SEM1: variants seen among roughly 807,000 people sequenced by gnomAD.
The protein encoded by SEM1 is 26S proteasome complex subunit SEM1.
Under a neutral mutation model 12.7 loss-of-function variants are expected in SEM1, and 3 were observed. That is an observed-to-expected ratio of 0.24 (90% CI 0.11 to 0.61). The LOEUF is 0.61. Ranked by LOEUF, SEM1 falls within the 20% of genes least tolerant of loss-of-function variation. SEM1 has a pLI of 0.88. For synonymous variants in SEM1, 30 were observed against 27.8 expected (o/e 1.08, Z -0.25); for missense variants, 59 against 81.3 (o/e 0.73, Z 1.06).
At chr7:96,576,555 A>G (rs568915777) in intron 2 of SEM1, among the ~76,000 whole-genome samples, 1 of 152,258 alleles carries the variant, frequency 6.6e-6, no homozygotes, top group South Asian at 2.1e-4. Flanking sequence ...TACAATGCTT[A>G]CCTTTATAAT....
chr7:96,668,436 G>A (rs1789225780), intron 2 of SEM1, among the ~76,000 whole-genome samples: 1 of 152,034 alleles, frequency 6.6e-6, no homozygotes, highest in African/African-American at 2.4e-5. Context: ...AAAAATTATA[G>A]TACTGGGAAT....
intron 2 of SEM1, among the ~76,000 whole-genome samples, chr7:96,623,626 T>C (rs1376051881): frequency 6.7e-6 from 1 of 150,050 alleles, no homozygotes; most frequent in African/African-American, 2.4e-5. Flanking sequence ...ATGGAATTCA[T>C]GTTAATTTTG....
chr7:96,503,810 G>A (rs1277201687), intron 3 of SEM1, among the ~76,000 whole-genome samples: 2 of 152,086 alleles, frequency 1.3e-5, no homozygotes, highest in Non-Finnish European at 2.9e-5. Flanking sequence ...ATTAGTTGTT[G>A]GTAAAGTGCA....
rs146952879 is a variant in SEM1 at position 96,698,371 on chromosome 7, T to G, written c.77-3480A>C. Among the ~76,000 whole-genome samples the G allele has an allele frequency of 5.6e-3, 845 of 152,102 alleles. 8 individuals are homozygous for G. Among genetic ancestry groups the G allele is most frequent in the African/African-American group, 0.019 (803 of 41,518 alleles). ...ATCAACCCATCACCTAGGTTTTAAG[T>G]CCCACACGAATTAAGTATTTCTCCT... On this transcript the variant is annotated intron_variant, in intron 1 of 2. Transcript: ENST00000248566.
chr7:96,618,673 A>T (rs1383723764), downstream of SEM1, among the ~76,000 whole-genome samples: 1 of 151,914 alleles, frequency 6.6e-6, no homozygotes, highest in Non-Finnish European at 1.5e-5. Flanking sequence ...CCAGTCTGTT[A>T]TTGAAGCTTT....
At chr7:96,619,801 T>C (rs1182691366), downstream of SEM1, among the ~76,000 whole-genome samples, 1 of 151,992 alleles carries the variant, frequency 6.6e-6, no homozygotes, top group African/African-American at 2.4e-5. Context: ...TTGTCCTAAG[T>C]GTGCTCAGGA....
At chr7:96,686,488 ACT>A (rs1331184224), downstream of SEM1, among the ~76,000 whole-genome samples, 1 of 152,212 alleles carries the variant, frequency 6.6e-6, no homozygotes, top group Non-Finnish European at 1.5e-5. Context: ...GTAATCTGAC[ACT>A]GTTAGGGTGA....
At chr7:96,642,346 T>C (rs1231863660) in intron 2 of SEM1, among the ~76,000 whole-genome samples, 1 of 152,108 alleles carries the variant, frequency 6.6e-6, no homozygotes, top group African/African-American at 2.4e-5. Flanking sequence ...ATTATGTAGA[T>C]TTTAGTTTAG....
At chr7:96,670,868 A>G (rs1789296635), downstream of SEM1, among the ~76,000 whole-genome samples, 1 of 152,206 alleles carries the variant, frequency 6.6e-6, no homozygotes, top group Admixed American at 6.5e-5. Context: ...GCTTTGTGTT[A>G]CTTTCTAATA....
At chr7:96,515,592 C>G (rs1804065443) in intron 2 of SEM1, among the ~76,000 whole-genome samples, 1 of 152,158 alleles carries the variant, frequency 6.6e-6, no homozygotes, top group Non-Finnish European at 1.5e-5. Flanking sequence ...TTTATTGCAG[C>G]ACTATTCACA....
chr7:96,569,103 C>T (rs1435554861), intron 2 of SEM1, among the ~76,000 whole-genome samples: 2 of 151,682 alleles, frequency 1.3e-5, no homozygotes, highest in Non-Finnish European at 2.9e-5. Flanking sequence ...TTTTAAGATG[C>T]GACCCCGTTG....
At chr7:96,695,101 C>CA (rs1379799652) in intron 1 of SEM1, 1 of 358,836 alleles carries the variant, frequency 2.8e-6, no homozygotes, top group African/African-American at 2.1e-5. Flanking sequence ...GAAGTTAATA[C>CA]AAAAAATTCT....
chr7:96,543,857 T>C, intron 2 of SEM1, among the ~76,000 whole-genome samples: 1 of 152,038 alleles, frequency 6.6e-6, no homozygotes, highest in Non-Finnish European at 1.5e-5. Context: ...GCATTTGTGA[T>C]CATAACCCTT....
intron 2 of SEM1, among the ~76,000 whole-genome samples, chr7:96,678,610 G>A (rs1363510007): frequency 2.0e-5 from 3 of 152,078 alleles, no homozygotes; most frequent in African/African-American, 7.2e-5. Flanking sequence ...TATTCTGACT[G>A]AAACAAAAGA....
At chr7:96,608,928 G>T (rs77208494) in intron 2 of SEM1, among the ~76,000 whole-genome samples, 2,484 of 152,134 alleles carry the variant, frequency 0.016, 72 homozygotes, top group African/African-American at 0.057. Flanking sequence ...TTTATCTTGG[G>T]TATATACCTA....
rs566641071 is a variant in SEM1 at position 96,693,760 on chromosome 7, T to TTGTGTGTG, written c.170+1030_170+1037dup. On this transcript the variant is annotated intron_variant, in intron 2 of 2. Coordinates refer to ENST00000248566, the MANE Select transcript of SEM1 (RefSeq NM_006304.2). ...TTAACGTATGACCCAACAATTCCAC[T>TTGTGTGTG]TGTGTGTGTGTGTGTGTGTGTGTGT... Among the ~76,000 whole-genome samples, 816 of 139,626 alleles carry TTGTGTGTG rather than the reference T, an allele frequency of 5.8e-3. 8 individuals carry two copies. Among genetic ancestry groups the TTGTGTGTG allele is most frequent in the African/African-American group, 0.013 (478 of 37,454 alleles). The allele number at this position is 139,626 out of a possible 152,430, so 91.6% of individuals were successfully genotyped here. A position where few individuals can be genotyped will look rare whatever the true frequency, so the allele number is the denominator to read the frequency against.
chr7:96,504,038 G>T (rs934325541), intron 3 of SEM1, among the ~76,000 whole-genome samples: 2 of 152,066 alleles, frequency 1.3e-5, no homozygotes, highest in Non-Finnish European at 2.9e-5. Context: ...GTTCTTAAAA[G>T]TTCAGGAGGA....
chr7:96,570,644 G>A (rs560709264), intron 2 of SEM1, among the ~76,000 whole-genome samples: 12 of 152,074 alleles, frequency 7.9e-5, no homozygotes, highest in African/African-American at 2.2e-4. Flanking sequence ...GAACAGTGCC[G>A]CGATAAACGA....
chr7:96,486,387 G>A lies in SEM1; in HGVS notation c.43C>T (p.Gln15Ter). ...TGCTTTCTTCCCACTTTTCCTCCTTGTACAGCAAACACAGCACAAATGTTG... is the reference window on the plus strand; with the variant it reads ...TGCTTTCTTCCCACTTTTCCTCCTTATACAGCAAACACAGCACAAATGTTG... The change falls in exon 2 of 4, where the codon CAA (glutamine) becomes TAA (stop). Residue 15 changes from glutamine (Q) to a stop codon, truncating the protein, a stop_gained. Coordinates refer to the SEM1 transcript ENST00000356686. LOFTEE classifies it high-confidence loss of function. 6.5e-7 allele frequency: 1 copy of A among 1,536,892 alleles called. No individual in the cohort carries two copies. Among genetic ancestry groups the A allele is most frequent in the Non-Finnish European group, 8.7e-7 (1 of 1,146,750 alleles).
Sources: allele counts gnomAD v4.1 joint callset (sites outside exome capture counted in the v4.1 genomes callset), GRCh38; gene constraint gnomAD v4.1.1; transcripts MANE v1.5; gene names NCBI Gene and HGNC (gene_info 2026-07-23, HGNC 2026-07-21).